The following ATP10B variants were observed in gnomAD, a reference collection of about 807,000 sequenced individuals.
ATP10B encodes phospholipid-transporting ATPase VB.
In ATP10B, 122 loss-of-function variants were observed where a neutral mutation model predicts 141.2. The observed-to-expected ratio is 0.86, with a 90% CI of 0.75 to 1.00. The LOEUF (loss-of-function observed/expected upper bound fraction) is 1.00, where lower values mean the gene tolerates loss of function less well. Ranked by LOEUF, ATP10B falls within the 50% of genes least tolerant of loss-of-function variation. The pLI is 0.00. For synonymous variants in ATP10B, 685 were observed against 692.0 expected (o/e 0.99, Z 0.16); for missense variants, 1,876 against 1,825.3 (o/e 1.03, Z -0.51).
At chr5:160,910,565 C>A in the ATP10B span, among the ~76,000 whole-genome samples, 7 of 152,118 alleles carry the variant, frequency 4.6e-5, no homozygotes, top group African/African-American at 1.7e-4. Context: ...AAATACTCTG[C>A]AAAGTTTAGT....
chr5:160,906,831 C>A, the ATP10B span, among the ~76,000 whole-genome samples: 1 of 152,140 alleles, frequency 6.6e-6, no homozygotes, highest in African/African-American at 2.4e-5. Flanking sequence ...CTAAGGGTGG[C>A]AGAGAGGAAA....
At chr5:160,816,851 T>C (rs540770956) in intron 1 of ATP10B, among the ~76,000 whole-genome samples, 3 of 152,240 alleles carry the variant, frequency 2.0e-5, no homozygotes, top group South Asian at 2.1e-4. Context: ...GTTCAACATA[T>C]GCAAATCAAT....
At position 160,632,342 on chromosome 5, in the gene ATP10B, C is replaced by T. The variant is rs2127662720; in HGVS notation, c.1407G>A (p.Glu469=). Residue 469 remains glutamate (E), a synonymous_variant, in exon 13 of 26, where the codon GAG becomes GAA. Coordinates refer to ENST00000327245, the MANE Select transcript of ATP10B (RefSeq NM_025153.3). ...ENAKRLETPK[E]LDSDGEEWTQ... ...TCCACTCTTCACCATCTGAGTCCAGCTCCTTTGGGGTCTCCAGTCGCTTAG... is the reference window on the plus strand; with the variant it reads ...TCCACTCTTCACCATCTGAGTCCAGTTCCTTTGGGGTCTCCAGTCGCTTAG... The T allele has an allele frequency of 3.7e-6, 6 of 1,614,194 alleles. No individual in the cohort carries two copies. Among genetic ancestry groups the T allele is most frequent in the East Asian group, 4.5e-5 (2 of 44,874 alleles).
chr5:160,819,412 C>A (rs952878745), intron 1 of ATP10B, among the ~76,000 whole-genome samples: 5 of 152,086 alleles, frequency 3.3e-5, no homozygotes, highest in African/African-American at 1.2e-4. Flanking sequence ...CAGACCTATC[C>A]TACAAGAAGT....
At chr5:160,747,711 A>T (rs149818570) in intron 2 of ATP10B, among the ~76,000 whole-genome samples, 107 of 152,278 alleles carry the variant, frequency 7.0e-4, no homozygotes, top group African/African-American at 2.5e-3. Context: ...CTAGCCTCCA[A>T]AACTGTAAGA....
Position 160,705,095 on chromosome 5 carries a change from T to G in ATP10B, c.-205+11814A>C, listed in dbSNP as rs567993106. Among the ~76,000 whole-genome samples, 478 of 151,732 alleles carry G rather than the reference T, an allele frequency of 3.2e-3. 2 individuals are homozygous for G. Among genetic ancestry groups the G allele is most frequent in the African/African-American group, 0.011 (455 of 41,312 alleles). ...CACCACACCCGGCTAATTTTTTGTG[T>G]TTTTAGTAGAGACGGGGTTTCACTG... On this transcript the variant is annotated intron_variant, in intron 3 of 25. Coordinates refer to ENST00000327245, the MANE Select transcript of ATP10B (RefSeq NM_025153.3).
At chr5:160,923,241 C>T in the ATP10B span, among the ~76,000 whole-genome samples, 2 of 152,206 alleles carry the variant, frequency 1.3e-5, no homozygotes, top group African/African-American at 4.8e-5. Flanking sequence ...ACGAGAAACA[C>T]TTGTGCATGA....
intron 6 of ATP10B, among the ~76,000 whole-genome samples, chr5:160,680,439 A>G (rs1390434613): frequency 6.6e-6 from 1 of 152,224 alleles, no homozygotes; most frequent in African/African-American, 2.4e-5. Flanking sequence ...AGCATGTCTT[A>G]GCTTCCTCTG....
chr5:160,677,979 C>T (rs911765674), intron 6 of ATP10B, among the ~76,000 whole-genome samples: 1 of 152,142 alleles, frequency 6.6e-6, no homozygotes, highest in South Asian at 2.1e-4. Context: ...TTGAGTTGGA[C>T]CAAGTGGCTG....
intron 2 of ATP10B, among the ~76,000 whole-genome samples, chr5:160,754,093 G>A (rs1353459653): frequency 6.6e-6 from 1 of 152,192 alleles, no homozygotes; most frequent in Non-Finnish European, 1.5e-5. Flanking sequence ...CCAGATTTGA[G>A]TATAAAGTTT....
intron 2 of ATP10B, among the ~76,000 whole-genome samples, chr5:160,750,979 C>T (rs773742517): frequency 2.6e-5 from 4 of 152,188 alleles, no homozygotes; most frequent in Non-Finnish European, 5.9e-5. Flanking sequence ...AGAAATCTGC[C>T]TTCCACCCAT....
intron 3 of ATP10B, among the ~76,000 whole-genome samples, chr5:160,707,933 G>A (rs1357558427): frequency 2.0e-5 from 3 of 152,166 alleles, no homozygotes; most frequent in Admixed American, 2.0e-4. Flanking sequence ...GATGTCCCCC[G>A]GCTGGAATGC....
At chr5:160,571,168 C>T (rs554182313) in intron 24 of ATP10B, among the ~76,000 whole-genome samples, 1 of 152,266 alleles carries the variant, frequency 6.6e-6, no homozygotes, top group South Asian at 2.1e-4. Flanking sequence ...TTCCCTCTCT[C>T]ATTTCTTTCT....
chr5:160,918,640 ATGT>A, the ATP10B span, among the ~76,000 whole-genome samples: 1 of 152,156 alleles, frequency 6.6e-6, no homozygotes, highest in African/African-American at 2.4e-5. Context: ...TTTCTTTAAG[ATGT>A]TGGAGAGGCA....
intron 13 of ATP10B, among the ~76,000 whole-genome samples, chr5:160,623,901 T>C (rs1214609105): frequency 1.3e-5 from 2 of 152,192 alleles, no homozygotes; most frequent in African/African-American, 4.8e-5. Flanking sequence ...AGAGATAAGG[T>C]AAGAGCCTCA....
At chr5:160,686,858 CTT>C in intron 5 of ATP10B, 1 of 795,312 alleles carries the variant, frequency 1.3e-6, no homozygotes, top group Non-Finnish European at 1.5e-6. Context: ...TAAATGGTCA[CTT>C]ATAATAATAA....
intron 1 of ATP10B, among the ~76,000 whole-genome samples, chr5:160,807,113 C>T (rs1008595196): frequency 6.6e-6 from 1 of 152,140 alleles, no homozygotes; most frequent in African/African-American, 2.4e-5. Context: ...ATGAACAGTT[C>T]TGTTCCACCA....
rs1758268420 is a variant in ATP10B, at chr5:160,620,544, G to A, written c.2219C>T (p.Ser740Phe). 6.2e-7 allele frequency: 1 copy of A among 1,614,206 alleles called. No homozygotes were observed. The highest frequency in any genetic ancestry group is 1.1e-5 in the South Asian group (1 of 91,088). ...AAHAYSFTLV[S>F]RTPEQVTVRL... ...CACAGTCACCTGCTCAGGTGTCCGG[G>A]ACACTAGTGTGAAGCTGTAGGCATG... Residue 740 changes from serine (S) to phenylalanine (F), a missense_variant, in exon 15 of 26, where the codon TCC (serine) becomes TTC (phenylalanine). By Grantham distance (155) the Ser-to-Phe change is radical (BLOSUM62 -2). Coordinates refer to ENST00000327245, the MANE Select transcript of ATP10B (RefSeq NM_025153.3).
At chr5:160,738,208 G>A (rs929061797) in intron 2 of ATP10B, among the ~76,000 whole-genome samples, 2 of 151,890 alleles carry the variant, frequency 1.3e-5, no homozygotes, top group Admixed American at 1.3e-4. Flanking sequence ...AGAAGAAATA[G>A]GAAAAAACAT....
Sources: allele counts gnomAD v4.1 joint callset (sites outside exome capture counted in the v4.1 genomes callset), GRCh38; gene constraint gnomAD v4.1.1; transcripts MANE v1.5; gene names NCBI Gene and HGNC (gene_info 2026-07-23, HGNC 2026-07-21).